SUPT3H: variants seen among roughly 807,000 people sequenced by gnomAD.
SUPT3H encodes the protein transcription initiation protein SPT3 homolog.
SUPT3H carries 44 observed loss-of-function variants against 44.3 expected under a neutral mutation model. The ratio of observed to expected loss-of-function variants is 0.99; its 90% CI spans 0.78 to 1.28. The LOEUF is 1.28. SUPT3H is among the 50% of genes most tolerant of loss of function. SUPT3H has a pLI of 0.00. For synonymous variants in SUPT3H, 124 were observed against 125.6 expected (o/e 0.99, Z 0.09); for missense variants, 380 against 387.1 (o/e 0.98, Z 0.15).
chr6:45,350,603 G>A (rs1266516269), intron 2 of SUPT3H, among the ~76,000 whole-genome samples: 1 of 152,052 alleles, frequency 6.6e-6, no homozygotes, highest in Non-Finnish European at 1.5e-5. Context: ...GAAAAATAGG[G>A]GGATGAAAAC....
intron 4 of SUPT3H, among the ~76,000 whole-genome samples, chr6:45,015,471 T>A (rs1225387393): frequency 6.6e-6 from 1 of 152,074 alleles, no homozygotes; most frequent in Non-Finnish European, 1.5e-5. Flanking sequence ...GGCAAGTGAA[T>A]TTGAGGGCCT....
At chr6:45,255,991 G>A (rs1042316106) in intron 2 of SUPT3H, among the ~76,000 whole-genome samples, 2 of 152,246 alleles carry the variant, frequency 1.3e-5, no homozygotes, top group Admixed American at 1.3e-4. Flanking sequence ...CTAACACGGT[G>A]AAACCCCGTC....
intron 6 of SUPT3H, among the ~76,000 whole-genome samples, chr6:44,963,200 C>T (rs1776296513): frequency 6.6e-6 from 1 of 151,904 alleles, no homozygotes; most frequent in Non-Finnish European, 1.5e-5. Flanking sequence ...GTGCATGTGT[C>T]AGAAATATCA....
chr6:45,124,344 A>G (rs1281183015), intron 2 of SUPT3H, among the ~76,000 whole-genome samples: 1 of 152,132 alleles, frequency 6.6e-6, no homozygotes, highest in African/African-American at 2.4e-5. Flanking sequence ...GTAAAAGTAC[A>G]GTTGAAAAAT....
chr6:45,254,474 AAC>A (rs917262431), intron 2 of SUPT3H, among the ~76,000 whole-genome samples: 5 of 152,128 alleles, frequency 3.3e-5, no homozygotes, highest in South Asian at 2.1e-4. Context: ...ACTAAAACTA[AAC>A]ACACACACAC....
intron 2 of SUPT3H, among the ~76,000 whole-genome samples, chr6:45,279,927 C>A (rs1777681750): frequency 6.6e-6 from 1 of 152,140 alleles, no homozygotes; most frequent in African/African-American, 2.4e-5. Context: ...AATATACCTG[C>A]TCTACTTGCA....
intron 2 of SUPT3H, among the ~76,000 whole-genome samples, chr6:45,164,059 A>T (rs1399137569): frequency 1.3e-5 from 2 of 152,166 alleles, no homozygotes; most frequent in African/African-American, 4.8e-5. Flanking sequence ...GCTGATACAC[A>T]TATTCCCAGC....
intron 10 of SUPT3H, among the ~76,000 whole-genome samples, chr6:44,876,831 C>A (rs1582144690): frequency 3.2e-4 from 16 of 50,766 alleles, no homozygotes; most frequent in Admixed American, 6.9e-4. Context: ...TAAAGATCTT[C>A]AATTGAAAAA....
intron 2 of SUPT3H, among the ~76,000 whole-genome samples, chr6:45,199,158 T>A (rs1282755620): frequency 6.6e-6 from 1 of 151,304 alleles, no homozygotes; most frequent in Non-Finnish European, 1.5e-5. Context: ...ATACACCTAT[T>A]TCTTAAGATC....
At chr6:44,879,808 A>G (rs1368680308) in intron 10 of SUPT3H, among the ~76,000 whole-genome samples, 2 of 152,194 alleles carry the variant, frequency 1.3e-5, no homozygotes, top group Non-Finnish European at 2.9e-5. Context: ...GACCTCCAGC[A>G]TACTCCAGCA....
In SUPT3H at chr6:45,130,850, T is replaced by C. The variant is rs1410270883; in HGVS notation, c.102-24844A>G. Among the ~76,000 whole-genome samples the C allele has an allele frequency of 2.0e-5, 3 of 151,664 alleles. No homozygotes were observed. The East Asian group carries it at 5.9e-4, about 30-fold the overall frequency. On this transcript the variant is annotated intron_variant, in intron 2 of 10. Coordinates refer to ENST00000371459, the MANE Select transcript of SUPT3H (RefSeq NM_003599.4). ...CTCCTGCCTCAGCCTCCCAAGTAGC[T>C]GGGATTACAGGCATGTGCCACCACG...
At chr6:44,820,202 G>A (rs949409387) in intron 11 of SUPT3H, among the ~76,000 whole-genome samples, 1 of 152,130 alleles carries the variant, frequency 6.6e-6, no homozygotes. Flanking sequence ...CTAGGTAACA[G>A]AGTGAGACCC....
chr6:45,015,797 G>GCACACACA (rs975618953), intron 4 of SUPT3H, among the ~76,000 whole-genome samples: 1 of 144,758 alleles, frequency 6.9e-6, no homozygotes, highest in Admixed American at 7.2e-5. Context: ...ACACGCGCGC[G>GCACACACA]CACACACACA....
chr6:45,307,369 A>G (rs953897495), intron 2 of SUPT3H, among the ~76,000 whole-genome samples: 18 of 152,186 alleles, frequency 1.2e-4, no homozygotes, highest in African/African-American at 4.1e-4. Flanking sequence ...GGCACCCCCC[A>G]GTAGGGGCAG....
intron 3 of SUPT3H, among the ~76,000 whole-genome samples, chr6:45,052,798 A>T (rs1340441856): frequency 6.6e-6 from 1 of 152,178 alleles, no homozygotes; most frequent in African/African-American, 2.4e-5. Context: ...TACCTTAGGT[A>T]GATCATAGTT....
rs1234887990 is a variant in SUPT3H at position 44,928,901 on chromosome 6, AAAAG to A, written c.912+3748_912+3751del. Among the ~76,000 whole-genome samples, 18 of 84,166 alleles carry A rather than the reference AAAAG, an allele frequency of 2.1e-4. 1 individual carries two copies. The East Asian group carries it at 2.3e-3, about 11-fold the overall frequency. 55.2% of individuals were successfully genotyped at this position (84,166 alleles called of 152,430 possible). A position where few individuals can be genotyped will look rare whatever the true frequency, so the allele number is the denominator to read the frequency against. On this transcript the variant is annotated intron_variant, in intron 10 of 10. Coordinates refer to ENST00000371459, the MANE Select transcript of SUPT3H (RefSeq NM_003599.4). ...CCGTCTCAAAAAAAAAAAAAAAAAA[AAAAG>A]AAAAGAAAAGAAACAAATCACCAAT...
At chr6:45,082,249 CA>C (rs201061509) in intron 3 of SUPT3H, among the ~76,000 whole-genome samples, 2,658 of 151,942 alleles carry the variant, frequency 0.017, 52 homozygotes, top group South Asian at 0.083. Context: ...GAAACTATTC[CA>C]AAAAAATGAG....
At chr6:44,886,955 A>T (rs1443507400) in intron 10 of SUPT3H, among the ~76,000 whole-genome samples, 1 of 152,206 alleles carries the variant, frequency 6.6e-6, no homozygotes, top group Non-Finnish European at 1.5e-5. Flanking sequence ...AAAAAAAGGC[A>T]GGGGTTGCAA....
chr6:45,219,545 A>G (rs1231530662), intron 2 of SUPT3H, among the ~76,000 whole-genome samples: 2 of 152,190 alleles, frequency 1.3e-5, no homozygotes, highest in South Asian at 2.1e-4. Flanking sequence ...AAACAAGCCA[A>G]TTCCTTGAAA....
Sources: gnomAD v4.1 joint callset for allele counts (sites outside exome capture counted in the v4.1 genomes callset) on GRCh38, gnomAD v4.1.1 for gene constraint, MANE v1.5 for transcripts, NCBI Gene and HGNC (gene_info 2026-07-23, HGNC 2026-07-21) for gene names.